NWD2: variants seen among roughly 807,000 people sequenced by gnomAD.
The protein encoded by NWD2 is NACHT and WD repeat domain-containing protein 2.
NWD2 carries 37 observed loss-of-function variants against 132.7 expected under a neutral mutation model. The ratio of observed to expected loss-of-function variants is 0.28; its 90% CI spans 0.21 to 0.37. NWD2 has a LOEUF of 0.37. Among genes scored for constraint, NWD2 ranks in the 10% least tolerant of loss-of-function variants. The probability of loss-of-function intolerance (pLI) is 1.00; values close to 1 mark genes in which losing one functional copy is unlikely to be tolerated. For missense variants in NWD2, 1,592 were observed against 2,122.4 expected (o/e 0.75, Z 4.91); for synonymous variants, 705 against 803.0 (o/e 0.88, Z 2.06).
At chr4:37,316,858 A>AGATCCTGAT (rs1718970326) in intron 1 of NWD2, among the ~76,000 whole-genome samples, 1 of 152,102 alleles carries the variant, frequency 6.6e-6, no homozygotes, top group Non-Finnish European at 1.5e-5. Context: ...TAACAATTCT[A>AGATCCTGAT]GATCCTGATT....
intron 3 of NWD2, among the ~76,000 whole-genome samples, chr4:37,428,457 A>C (rs1712066184): frequency 6.6e-6 from 1 of 152,232 alleles, no homozygotes; most frequent in African/African-American, 2.4e-5. Flanking sequence ...GCTAGATAAG[A>C]TGAAGATTAA....
intron 3 of NWD2, among the ~76,000 whole-genome samples, chr4:37,413,757 G>A (rs553381996): frequency 6.6e-6 from 1 of 152,284 alleles, no homozygotes; most frequent in South Asian, 2.1e-4. Context: ...TAAAGAAAAT[G>A]TGGTACATAT....
intron 3 of NWD2, among the ~76,000 whole-genome samples, chr4:37,371,062 A>ATTTT (rs763259051): frequency 1.6e-5 from 2 of 123,054 alleles, no homozygotes; most frequent in African/African-American, 5.9e-5. Flanking sequence ...AAGAAGTTCA[A>ATTTT]TTTTTTTTTC....
chr4:37,334,459 T>C (rs1292333495), intron 2 of NWD2, among the ~76,000 whole-genome samples: 2 of 152,216 alleles, frequency 1.3e-5, no homozygotes, highest in Non-Finnish European at 2.9e-5. Flanking sequence ...TCTATTTCAA[T>C]GCTTGCTTCC....
intron 2 of NWD2, among the ~76,000 whole-genome samples, chr4:37,354,988 C>T (rs1719843581): frequency 6.6e-6 from 1 of 151,972 alleles, no homozygotes; most frequent in Non-Finnish European, 1.5e-5. Flanking sequence ...GATTTCTGTG[C>T]TCTTCTGAAG....
At chr4:37,438,286 A>C (rs141346898) in intron 5 of NWD2, among the ~76,000 whole-genome samples, 4,786 of 151,930 alleles carry the variant, frequency 0.032, 182 homozygotes, top group Non-Finnish European at 0.043. Flanking sequence ...AGAAAAAAAA[A>C]TTTGCTTTTA....
chr4:37,422,180 T>G (rs1305657600), intron 3 of NWD2, among the ~76,000 whole-genome samples: 3 of 152,172 alleles, frequency 2.0e-5, no homozygotes, highest in African/African-American at 7.2e-5. Context: ...GAAACTGAAT[T>G]TAAGTAACTC....
chr4:37,403,685 AG>A (rs1415095875), intron 3 of NWD2, among the ~76,000 whole-genome samples: 13 of 150,956 alleles, frequency 8.6e-5, no homozygotes, highest in Admixed American at 8.6e-4. Context: ...AGCAGAAAAA[AG>A]CGACTCTACT....
At chr4:37,390,651 A>C (rs1720664630) in intron 3 of NWD2, among the ~76,000 whole-genome samples, 1 of 152,182 alleles carries the variant, frequency 6.6e-6, no homozygotes, top group African/African-American at 2.4e-5. Context: ...TTACTGCCTT[A>C]AATCCATCAA....
intron 1 of NWD2, among the ~76,000 whole-genome samples, chr4:37,309,277 G>A (rs917801784): frequency 1.3e-5 from 2 of 152,160 alleles, no homozygotes; most frequent in Admixed American, 1.3e-4. Flanking sequence ...CAGTTCTGCT[G>A]GTCATTAGGC....
chr4:37,331,573 A>G (rs1300648907), intron 2 of NWD2, among the ~76,000 whole-genome samples: 1 of 152,072 alleles, frequency 6.6e-6, no homozygotes, highest in African/African-American at 2.4e-5. Context: ...TTTCTGTACA[A>G]TACCACCAGA....
intron 1 of NWD2, among the ~76,000 whole-genome samples, chr4:37,270,553 C>T (rs1314914120): frequency 7.9e-5 from 12 of 151,600 alleles, no homozygotes; most frequent in Admixed American, 6.6e-4. Context: ...AAATACAGCA[C>T]CTTCAACTGA....
In NWD2 at chr4:37,444,984, G is replaced by A. The variant is rs1272407827; in HGVS notation, c.2996G>A (p.Arg999Gln). The A allele has an allele frequency of 8.4e-6, 13 of 1,551,834 alleles. No homozygotes were observed. The highest frequency in any genetic ancestry group is 2.7e-5 in the African/African-American group (2 of 73,026). ...ATCAGCACCTGGGATGTAGAGACTCGACAGCTACTCAGGCAAATCACCACA... is the reference window on the plus strand; with the variant it reads ...ATCAGCACCTGGGATGTAGAGACTCAACAGCTACTCAGGCAAATCACCACA... ...GSISTWDVET[R>Q]QLLRQITTAQ... The change falls in exon 7 of 7, where the codon CGA becomes CAA. Residue 999 changes from arginine to glutamine, a missense_variant. Physicochemically the swap from Arg to Gln is conservative, Grantham distance 43. This residue lies in a region of NWD2 where 1,071 missense variants were observed against 1,398.0 expected (regional missense o/e 0.77). Coordinates refer to ENST00000309447, the MANE Select transcript of NWD2 (RefSeq NM_001144990.2). The surrounding 1 kb of genome is among the most constrained non-coding windows in gnomAD (Gnocchi z 4.8).
chr4:37,387,670 CTTTTTTTT>C (rs34665816), intron 3 of NWD2, among the ~76,000 whole-genome samples: 2 of 88,688 alleles, frequency 2.3e-5, no homozygotes, highest in South Asian at 4.0e-4. Context: ...TTGAAATATT[CTTTTTTTT>C]TTTTTTTTTT....
intron 2 of NWD2, among the ~76,000 whole-genome samples, chr4:37,340,199 C>T (rs1471365230): frequency 2.0e-5 from 3 of 152,132 alleles, no homozygotes; most frequent in Non-Finnish European, 4.4e-5. Context: ...GATACTGTGA[C>T]CTTACCAATT....
intron 3 of NWD2, among the ~76,000 whole-genome samples, chr4:37,425,260 C>T: frequency 6.6e-6 from 1 of 152,256 alleles, no homozygotes; most frequent in Non-Finnish European, 1.5e-5. Flanking sequence ...CAGTTCCAAA[C>T]CATTAGGAAG....
chr4:37,380,235 GAC>G (rs1160660988), intron 3 of NWD2, among the ~76,000 whole-genome samples: 2 of 152,226 alleles, frequency 1.3e-5, no homozygotes, highest in African/African-American at 4.8e-5. Context: ...ACATCTGTTT[GAC>G]GATAAAGTCC....
At position 37,291,653 on chromosome 4, in the gene NWD2, A is replaced by G. The variant is rs138679632; in HGVS notation, c.152-34283A>G. On this transcript the variant is annotated intron_variant, in intron 1 of 6. Coordinates refer to ENST00000309447, the MANE Select transcript of NWD2 (RefSeq NM_001144990.2). ...TACTGTCAGTAGTATTTAGAAGTTC[A>G]CACTGATAATAATATTAATATATTA... 3.0e-3 allele frequency among the ~76,000 whole-genome samples: 464 copies of G among 152,200 alleles called. 7 individuals carry two copies. The highest frequency in any genetic ancestry group is 0.011 in the African/African-American group (440 of 41,538).
At chr4:37,289,963 A>G (rs977228658) in intron 1 of NWD2, among the ~76,000 whole-genome samples, 8 of 151,816 alleles carry the variant, frequency 5.3e-5, no homozygotes, top group Non-Finnish European at 8.8e-5. Context: ...TGAACAATCT[A>G]TTTTTCATTT....
Sources: allele counts gnomAD v4.1 joint callset (sites outside exome capture counted in the v4.1 genomes callset), GRCh38; gene constraint gnomAD v4.1.1; regional missense constraint gnomAD v4.1.1; non-coding constraint Gnocchi (gnomAD v3.1); transcripts MANE v1.5; gene names NCBI Gene and HGNC (gene_info 2026-07-23, HGNC 2026-07-21).